The following ITGAM variants were observed in gnomAD, a reference collection of about 807,000 sequenced individuals.
ITGAM encodes integrin subunit alpha M, also known as integrin alpha-M.
ITGAM carries 79 observed loss-of-function variants against 137.5 expected under a neutral mutation model. That is an observed-to-expected ratio of 0.57 (90% confidence interval 0.48 to 0.69). The LOEUF (loss-of-function observed/expected upper bound fraction) is 0.69. Among genes scored for constraint, ITGAM ranks in the 30% least tolerant of loss-of-function variants. The pLI is 0.00. For missense variants in ITGAM, 1,343 were observed against 1,483.5 expected (o/e 0.91, Z 1.56); for synonymous variants, 583 against 592.3 (o/e 0.98, Z 0.23).
At chr16:31,280,734 G>A (rs1034612373) in intron 12 of ITGAM, among the ~76,000 whole-genome samples, 4 of 152,094 alleles carry the variant, frequency 2.6e-5, no homozygotes, top group Non-Finnish European at 5.9e-5. Flanking sequence ...GATTGCCCTG[G>A]CCAGAACTTC....
chr16:31,319,017 T>A (rs2080420895), intron 14 of ITGAM, among the ~76,000 whole-genome samples: 1 of 152,158 alleles, frequency 6.6e-6, no homozygotes, highest in Non-Finnish European at 1.5e-5. Context: ...TTTTTCCAGT[T>A]TTTCTTCTGG....
At chr16:31,286,764 T>C (rs2080033764) in intron 12 of ITGAM, among the ~76,000 whole-genome samples, 1 of 152,178 alleles carries the variant, frequency 6.6e-6, no homozygotes, top group South Asian at 2.1e-4. Context: ...TTGTCAGATG[T>C]GGTTTGCAAA....
intron 16 of ITGAM, among the ~76,000 whole-genome samples, chr16:31,323,197 C>T (rs1020275054): frequency 6.6e-5 from 10 of 151,810 alleles, no homozygotes; most frequent in East Asian, 3.9e-4. Flanking sequence ...TTTGGGAGGC[C>T]GAGGCAGGTG....
At chr16:31,321,123 G>C (rs545222937) in intron 14 of ITGAM, 118 bp from the exon 15 acceptor site, 1 of 1,136,048 alleles carries the variant, frequency 8.8e-7, no homozygotes, top group Admixed American at 2.1e-5. Context: ...TTAGTTGCAA[G>C]AGATGAGACT....
Position 31,329,806 on chromosome 16 carries a change from C to G in ITGAM, c.2877C>G (p.Asn959Lys). 1 of 1,555,020 alleles carries G rather than the reference C, an allele frequency of 6.4e-7. No homozygotes were observed. The highest frequency in any genetic ancestry group is 8.7e-7 in the Non-Finnish European group (1 of 1,149,190). Residue 959 changes from asparagine (N) to lysine (K), a missense_variant, in exon 25 of 30, where the codon AAC becomes AAG. Coordinates refer to ENST00000544665, the MANE Select transcript of ITGAM (RefSeq NM_000632.4). ...CGCCCTCCCCGGTGCAGGTCAGCAA[C>G]CTGGGGCAGAGGAGCCTCCCCATCA... ...RVMQHQYQVSNLGQRSLPISL... is the reference protein window; with the variant it reads ...RVMQHQYQVSKLGQRSLPISL...
intron 7 of ITGAM, 73 bp downstream of exon 7, chr16:31,272,065 A>T: frequency 3.8e-6 from 6 of 1,579,642 alleles, no homozygotes; most frequent in Non-Finnish European, 5.2e-6. Flanking sequence ...GGATGAAGGG[A>T]GCCGTTCAGA....
At chr16:31,328,010 T>C in intron 22 of ITGAM, 137 bp from the exon 23 acceptor site, 2 of 694,112 alleles carry the variant, frequency 2.9e-6, no homozygotes, top group Non-Finnish European at 5.2e-6. Context: ...GGGGCAGGGG[T>C]TGGAGAACAG....
intron 21 of ITGAM, 46 bp from the exon 22 acceptor site, chr16:31,326,810 T>G: frequency 7.4e-7 from 1 of 1,351,256 alleles, no homozygotes; most frequent in Non-Finnish European, 1.1e-6. Flanking sequence ...TTGGGTTATT[T>G]TTTCTCTCAT....
chr16:31,324,864 T>A lies in ITGAM; in HGVS notation c.2289+82T>A. 6.4e-7 allele frequency: 1 copy of A among 1,556,356 alleles called. No individual in the cohort carries two copies. Among genetic ancestry groups the A allele is most frequent in the Non-Finnish European group, 8.7e-7 (1 of 1,148,362 alleles). On this transcript the variant is annotated intron_variant, in intron 18 of 29. Coordinates refer to ENST00000544665, the MANE Select transcript of ITGAM (RefSeq NM_000632.4). This position sits in a 1 kb window ranked among gnomAD's most constrained non-coding sequence, Gnocchi z 4.5. ...TTGAAACTCATTTTATTTGATTGCA[T>A]CTAATTTTACTTCAACATTTGATTT...
Position 31,265,475 on chromosome 16 carries a change from C to T in ITGAM, c.215C>T (p.Ser72Leu). ...TACCAGTGCGACTACAGCACAGGCTCATGCGAGCCCATCCGCCTGCAGGGT... is the reference window on the plus strand; with the variant it reads ...TACCAGTGCGACTACAGCACAGGCTTATGCGAGCCCATCCGCCTGCAGGGT... ...SLYQCDYSTG[S>L]CEPIRLQVPV... The change falls in exon 3 of 30, where the codon TCA becomes TTA. Residue 72 changes from serine (S) to leucine (L), a missense_variant. Coordinates refer to ENST00000544665, the MANE Select transcript of ITGAM (RefSeq NM_000632.4). The T allele has an allele frequency of 6.2e-7, 1 of 1,601,346 alleles. No individual in the cohort carries two copies. The highest frequency in any genetic ancestry group is 1.3e-5 in the African/African-American group (1 of 74,676).
chr16:31,261,546 C>A, intron 1 of ITGAM, 146 bp from the exon 2 acceptor site: 1 of 463,908 alleles, frequency 2.2e-6, no homozygotes. Flanking sequence ...GAGATAGGAT[C>A]TCTCTCTGTT....
At chr16:31,268,961 G>A (rs929868) in intron 5 of ITGAM, among the ~76,000 whole-genome samples, 108,933 of 152,132 alleles carry the variant, frequency 0.72, 40,050 homozygotes, top group African/African-American at 0.88. Flanking sequence ...GCAGAATTGC[G>A]ATAGAGAAAG....
chr16:31,295,963 G>T (rs902152244), intron 12 of ITGAM, among the ~76,000 whole-genome samples: 1 of 151,786 alleles, frequency 6.6e-6, no homozygotes, highest in Non-Finnish European at 1.5e-5. Context: ...TTTTTTTTGC[G>T]TATATTGAGA....
chr16:31,311,987 G>C (rs1180858487), intron 14 of ITGAM, among the ~76,000 whole-genome samples: 1 of 151,874 alleles, frequency 6.6e-6, no homozygotes, highest in African/African-American at 2.4e-5. Context: ...CCTTTGTAGG[G>C]ACATGGATGA....
intron 3 of ITGAM, 113 bp downstream of exon 3, chr16:31,265,611 C>T (rs926316215): frequency 7.6e-6 from 6 of 789,380 alleles, no homozygotes; most frequent in South Asian, 3.5e-5. Context: ...TGCCTGCCTC[C>T]GTACCCTCTC....
At chr16:31,267,522 T>C (rs1366795229) in intron 5 of ITGAM, among the ~76,000 whole-genome samples, 7 of 152,218 alleles carry the variant, frequency 4.6e-5, no homozygotes, top group African/African-American at 7.2e-5. Flanking sequence ...ATTTCCATAA[T>C]GACAGCACTC....
chr16:31,305,763 A>G (rs1438742631), intron 14 of ITGAM, among the ~76,000 whole-genome samples: 1 of 152,138 alleles, frequency 6.6e-6, no homozygotes, highest in Non-Finnish European at 1.5e-5. Flanking sequence ...GATGTATCAC[A>G]TTTATTGACT....
chr16:31,325,227 C>A, intron 19 of ITGAM, 36 bp from the exon 20 acceptor site: 1 of 1,585,488 alleles, frequency 6.3e-7, no homozygotes, highest in Admixed American at 1.8e-5. Context: ...GGAAGCCCAG[C>A]GCCCCATCCC....
chr16:31,276,878 C>A, intron 10 of ITGAM, 42 bp from the exon 11 acceptor site: 1 of 1,597,620 alleles, frequency 6.3e-7, no homozygotes, highest in Middle Eastern at 1.8e-4. Context: ...AGCGGTTGTC[C>A]CTTCTTCCTT....
Sources: allele counts gnomAD v4.1 joint callset (sites outside exome capture counted in the v4.1 genomes callset), GRCh38; gene constraint gnomAD v4.1.1; non-coding constraint Gnocchi (gnomAD v3.1); transcripts MANE v1.5; gene names NCBI Gene and HGNC (gene_info 2026-07-23, HGNC 2026-07-21).